NAALADL2: variants seen among roughly 807,000 people sequenced by gnomAD.
NAALADL2 encodes the protein N-acetylated alpha-linked acidic dipeptidase like 2, also known as inactive N-acetylated-alpha-linked acidic dipeptidase-like protein 2.
A neutral mutation model predicts 87.2 loss-of-function variants in NAALADL2; 76 were observed. The observed-to-expected ratio is 0.87, with a 90% CI of 0.72 to 1.05. NAALADL2 has a LOEUF of 1.05. Among genes scored for constraint, NAALADL2 ranks in the 50% least tolerant of loss-of-function variants. The pLI is 0.00. For missense variants in NAALADL2, 1,089 were observed against 945.8 expected, an observed-to-expected ratio of 1.15 and a Z score of -1.99; for synonymous variants, 354 against 331.0, an observed-to-expected ratio of 1.07 and a Z score of -0.75.
chr3:175,793,600 C>A (rs1753090530), intron 13 of NAALADL2, among the ~76,000 whole-genome samples: 1 of 151,992 alleles, frequency 6.6e-6, no homozygotes, highest in Non-Finnish European at 1.5e-5. Flanking sequence ...CAGGCGTGAG[C>A]CACTGCACCT....
chr3:174,797,364 T>G (rs1479651510), intron 3 of NAALADL2, among the ~76,000 whole-genome samples: 2 of 135,434 alleles, frequency 1.5e-5, no homozygotes, highest in African/African-American at 5.7e-5. Context: ...CAGGCTGGAG[T>G]GCAATGGCGT....
intron 5 of NAALADL2, among the ~76,000 whole-genome samples, chr3:175,429,351 G>A (rs1418196031): frequency 1.3e-5 from 2 of 151,866 alleles, no homozygotes; most frequent in African/African-American, 4.8e-5. Context: ...TATAAATGCT[G>A]TATATGAATT....
At chr3:175,248,309 T>C (rs1168495273) in intron 3 of NAALADL2, among the ~76,000 whole-genome samples, 2 of 152,226 alleles carry the variant, frequency 1.3e-5, no homozygotes, top group African/African-American at 2.4e-5. Flanking sequence ...ACTGTTGTCA[T>C]GATTAGAGAT....
At chr3:174,826,555 G>T (rs985839506) in intron 3 of NAALADL2, among the ~76,000 whole-genome samples, 1 of 152,128 alleles carries the variant, frequency 6.6e-6, no homozygotes, top group Non-Finnish European at 1.5e-5. Context: ...TGAATGAATA[G>T]CACATAGACC....
In NAALADL2 at chr3:175,662,842, C is replaced by T. The variant is rs116316116; in HGVS notation, c.1896+35456C>T. Among the ~76,000 whole-genome samples the T allele has an allele frequency of 6.9e-3, 1,046 of 151,796 alleles. 12 individuals are homozygous for T. The highest frequency in any genetic ancestry group is 0.019 in the African/African-American group (808 of 41,454). On this transcript the variant is annotated intron_variant, in intron 11 of 13. Coordinates refer to ENST00000454872, the MANE Select transcript of NAALADL2 (RefSeq NM_207015.3). Reference sequence around the variant, plus strand: ...TCATCTGGTGTCCCTGGGATGGTTCCCACTTGATCATGTGAATAAATTTTT... The same window carrying T: ...TCATCTGGTGTCCCTGGGATGGTTCTCACTTGATCATGTGAATAAATTTTT...
At chr3:174,813,137 A>G (rs1407010009) in intron 3 of NAALADL2, among the ~76,000 whole-genome samples, 3 of 152,154 alleles carry the variant, frequency 2.0e-5, no homozygotes, top group Non-Finnish European at 4.4e-5. Context: ...CATTCATGTT[A>G]TGTGTCCTAT....
chr3:175,473,047 T>G (rs1372155628), intron 9 of NAALADL2, among the ~76,000 whole-genome samples: 1 of 152,166 alleles, frequency 6.6e-6, no homozygotes, highest in Admixed American at 6.5e-5. Flanking sequence ...AAGTTTTATA[T>G]TTTGAGAATC....
chr3:175,407,764 G>T, intron 5 of NAALADL2, among the ~76,000 whole-genome samples: 1 of 152,172 alleles, frequency 6.6e-6, no homozygotes, highest in Admixed American at 6.5e-5. Flanking sequence ...TGGGTAAATC[G>T]GTTTGTTTTA....
intron 9 of NAALADL2, among the ~76,000 whole-genome samples, chr3:175,505,395 TC>T (rs1461913435): frequency 1.3e-5 from 2 of 152,098 alleles, no homozygotes; most frequent in African/African-American, 4.8e-5. Flanking sequence ...AGTAAAATTT[TC>T]CCACTAGAAC....
chr3:175,131,033 A>G (rs972983202), intron 2 of NAALADL2, among the ~76,000 whole-genome samples: 1 of 152,032 alleles, frequency 6.6e-6, no homozygotes, highest in South Asian at 2.1e-4. Flanking sequence ...CTTCTAATTC[A>G]TGTACATGCT....
intron 10 of NAALADL2, 75 bp downstream of exon 10, chr3:175,576,262 A>C (rs969330913): frequency 3.7e-6 from 5 of 1,367,372 alleles, no homozygotes; most frequent in Non-Finnish European, 4.0e-6. Flanking sequence ...TATCCTGGCT[A>C]TTCAATTTTC....
At chr3:175,644,979 A>G (rs1479266945) in intron 11 of NAALADL2, among the ~76,000 whole-genome samples, 1 of 152,276 alleles carries the variant, frequency 6.6e-6, no homozygotes, top group East Asian at 1.9e-4. Flanking sequence ...CTAGTTTTAC[A>G]GTTGTTTAGT....
chr3:174,635,239 C>T (rs1388142690), intron 2 of NAALADL2, among the ~76,000 whole-genome samples: 1 of 152,108 alleles, frequency 6.6e-6, no homozygotes, highest in East Asian at 1.9e-4. Context: ...TTGGAGTGTA[C>T]TGACCATCTG....
chr3:174,735,330 C>G (rs1258354832), intron 2 of NAALADL2, among the ~76,000 whole-genome samples: 2 of 152,186 alleles, frequency 1.3e-5, no homozygotes, highest in Non-Finnish European at 2.9e-5. Context: ...TACCATGTCT[C>G]TAATTCTCAC....
At chr3:175,689,940 C>G (rs1736820513) in intron 11 of NAALADL2, among the ~76,000 whole-genome samples, 1 of 151,894 alleles carries the variant, frequency 6.6e-6, no homozygotes, top group South Asian at 2.1e-4. Context: ...GAATTATTAC[C>G]AACTGCATTT....
chr3:174,945,968 C>T (rs1483391820), intron 1 of NAALADL2, among the ~76,000 whole-genome samples: 1 of 145,324 alleles, frequency 6.9e-6, no homozygotes, highest in African/African-American at 2.6e-5. Flanking sequence ...ATCACTTGAA[C>T]CCAGGAGGTG....
At chr3:175,234,940 A>G (rs78627313) in intron 3 of NAALADL2, 192 of 152,300 alleles carry the variant, frequency 1.3e-3, no homozygotes, top group African/African-American at 4.4e-3. Flanking sequence ...AGGACAGAGC[A>G]TAGCCTATAG....
At chr3:174,851,784 G>C (rs6804977) in intron 3 of NAALADL2, among the ~76,000 whole-genome samples, 72,211 of 151,798 alleles carry the variant, frequency 0.48, 17,888 homozygotes, top group African/African-American at 0.61. Flanking sequence ...AAACAGATAA[G>C]TACATGCTAC....
At chr3:175,292,425 T>C (rs1465073928) in intron 4 of NAALADL2, among the ~76,000 whole-genome samples, 1 of 152,170 alleles carries the variant, frequency 6.6e-6, no homozygotes, top group Admixed American at 6.5e-5. Flanking sequence ...TATGTTTGTG[T>C]AGAAAGTGAT....
Sources: gnomAD v4.1 joint callset for allele counts (sites outside exome capture counted in the v4.1 genomes callset) on GRCh38, gnomAD v4.1.1 for gene constraint, MANE v1.5 for transcripts, NCBI Gene and HGNC (gene_info 2026-07-23, HGNC 2026-07-21) for gene names.